Variants in PARN observed in about 807,000 individuals in gnomAD.
PARN encodes the protein poly(A)-specific ribonuclease PARN.
Under a neutral mutation model 102.8 loss-of-function variants are expected in PARN, and 71 were observed. The ratio of observed to expected loss-of-function variants is 0.69; its 90% CI spans 0.57 to 0.84. PARN has a LOEUF of 0.84. Ranked by LOEUF, PARN falls within the 40% of genes least tolerant of loss-of-function variation. PARN has a pLI of 0.00. For synonymous variants in PARN, 261 were observed against 252.9 expected (o/e 1.03, Z -0.30); for missense variants, 782 against 760.9 (o/e 1.03, Z -0.33).
intron 2 of PARN, among the ~76,000 whole-genome samples, chr16:14,629,341 G>A (rs1185526534): frequency 6.6e-6 from 1 of 152,156 alleles, no homozygotes; most frequent in East Asian, 1.9e-4. Flanking sequence ...CAATGTACAC[G>A]CCGCACTGTT....
intron 18 of PARN, chr16:14,558,314 A>C (rs1967831582): frequency 6.6e-6 from 1 of 152,044 alleles, no homozygotes. Context: ...CCTGGCCAAC[A>C]CGGTGAAACC....
intron 21 of PARN, among the ~76,000 whole-genome samples, chr16:14,527,480 T>C (rs1966069249): frequency 6.6e-6 from 1 of 152,224 alleles, no homozygotes; most frequent in Non-Finnish European, 1.5e-5. Flanking sequence ...ATAATTTTTT[T>C]CTTTTTGACG....
intron 12 of PARN, among the ~76,000 whole-genome samples, chr16:14,599,271 G>A (rs980841718): frequency 6.6e-6 from 1 of 152,028 alleles, no homozygotes; most frequent in Non-Finnish European, 1.5e-5. Context: ...TCGAACTCCT[G>A]AGCTCAAGCA....
At chr16:14,442,660 C>G (rs2151551588) in intron 23 of PARN, among the ~76,000 whole-genome samples, 1 of 152,258 alleles carries the variant, frequency 6.6e-6, no homozygotes, top group Middle Eastern at 3.4e-3. Context: ...CTCTGTCACC[C>G]AAGCTGGAGT....
intron 18 of PARN, among the ~76,000 whole-genome samples, chr16:14,570,314 T>G (rs1384579464): frequency 1.1e-5 from 1 of 94,896 alleles, no homozygotes; most frequent in African/African-American, 4.4e-5. Context: ...AGAGCGAGAC[T>G]CTGTCTCAAA....
At chr16:14,588,808 G>T (rs1296902766) in intron 13 of PARN, among the ~76,000 whole-genome samples, 1 of 152,126 alleles carries the variant, frequency 6.6e-6, no homozygotes, top group Non-Finnish European at 1.5e-5. Flanking sequence ...CTTGAACTTG[G>T]GAGAGGGAGG....
At chr16:14,476,789 A>G (rs1963076639) in intron 22 of PARN, among the ~76,000 whole-genome samples, 1 of 152,268 alleles carries the variant, frequency 6.6e-6, no homozygotes, top group African/African-American at 2.4e-5. Context: ...GCTGTAGTTT[A>G]CCAACCACCA....
intron 18 of PARN, among the ~76,000 whole-genome samples, chr16:14,577,793 C>T (rs187503479): frequency 6.6e-6 from 1 of 152,088 alleles, no homozygotes; most frequent in Admixed American, 6.5e-5. Context: ...TCAGCCCCCC[C>T]AGTAGCTGGG....
At position 14,608,606 on chromosome 16, in the gene PARN, T is replaced by C. The variant is rs578099418; in HGVS notation, c.621-287A>G. Reference sequence around the variant, plus strand: ...ATAAAGAGAGCTTAAAGTAGACAGATGCATTGAAATACTTTTGTGAAACTC... The same window carrying C: ...ATAAAGAGAGCTTAAAGTAGACAGACGCATTGAAATACTTTTGTGAAACTC... On this transcript the variant is annotated intron_variant, in intron 8 of 23. Coordinates refer to ENST00000437198, the MANE Select transcript of PARN (RefSeq NM_002582.4). Among the ~76,000 whole-genome samples, 8 of 152,290 alleles carry C rather than the reference T, an allele frequency of 5.3e-5. No individual in the cohort carries two copies. The South Asian group carries it at 1.0e-3, about 20-fold the overall frequency.
chr16:14,475,935 G>T (rs1285602026), intron 22 of PARN, among the ~76,000 whole-genome samples: 1 of 152,178 alleles, frequency 6.6e-6, no homozygotes, highest in Non-Finnish European at 1.5e-5. Flanking sequence ...ACAATATGTA[G>T]AAGTAAAATA....
At chr16:14,473,001 G>C (rs1439650977) in intron 22 of PARN, among the ~76,000 whole-genome samples, 1 of 152,142 alleles carries the variant, frequency 6.6e-6, no homozygotes, top group Non-Finnish European at 1.5e-5. Context: ...ACAAAAAGTA[G>C]TAAATATTAT....
At chr16:14,532,194 T>TA (rs373143309) in intron 21 of PARN, among the ~76,000 whole-genome samples, 3 of 148,938 alleles carry the variant, frequency 2.0e-5, no homozygotes, top group Non-Finnish European at 3.0e-5. Flanking sequence ...TTTTTTTTTT[T>TA]AATTGTTCAT....
At chr16:14,524,960 G>A (rs1412639925) in intron 21 of PARN, among the ~76,000 whole-genome samples, 1 of 152,052 alleles carries the variant, frequency 6.6e-6, no homozygotes, top group Middle Eastern at 3.2e-3. Context: ...GGAGGAATGG[G>A]GATATAATTT....
intron 18 of PARN, among the ~76,000 whole-genome samples, chr16:14,574,581 C>T (rs143062958): frequency 0.013 from 2,051 of 152,024 alleles, 27 homozygotes; most frequent in African/African-American, 0.028. Context: ...GGCGTGGTGG[C>T]GCACACCTGT....
chr16:14,624,815 G>A (rs1473610855), intron 5 of PARN, among the ~76,000 whole-genome samples: 1 of 152,158 alleles, frequency 6.6e-6, no homozygotes, highest in Non-Finnish European at 1.5e-5. Context: ...ACTTTGGGAG[G>A]CCAAGATGGG....
At chr16:14,470,548 C>T (rs1345880577) in intron 22 of PARN, among the ~76,000 whole-genome samples, 1 of 151,764 alleles carries the variant, frequency 6.6e-6, no homozygotes, top group Non-Finnish European at 1.5e-5. Context: ...GCCTCGACTT[C>T]CTCAGCTCAA....
intron 22 of PARN, among the ~76,000 whole-genome samples, chr16:14,461,529 G>A (rs1567293090): frequency 6.6e-6 from 1 of 152,164 alleles, no homozygotes; most frequent in Non-Finnish European, 1.5e-5. Flanking sequence ...CTCCTTTAAT[G>A]TGAAAGTTTG....
intron 18 of PARN, among the ~76,000 whole-genome samples, chr16:14,576,447 A>T (rs1051330116): frequency 1.3e-5 from 2 of 152,220 alleles, no homozygotes; most frequent in African/African-American, 4.8e-5. Context: ...AACCTTCATA[A>T]AAGGGTCAAG....
chr16:14,573,325 TTAAAAC>T (rs1353169628), intron 18 of PARN, among the ~76,000 whole-genome samples: 1 of 152,202 alleles, frequency 6.6e-6, no homozygotes, highest in Non-Finnish European at 1.5e-5. Context: ...GTGAAAACAC[TTAAAAC>T]CTACTCTTCT....
Sources: allele counts gnomAD v4.1 joint callset (sites outside exome capture counted in the v4.1 genomes callset), GRCh38; gene constraint gnomAD v4.1.1; transcripts MANE v1.5; gene names NCBI Gene and HGNC (gene_info 2026-07-23, HGNC 2026-07-21).